SORBS2: variants seen among roughly 807,000 people sequenced by gnomAD.
The protein encoded by SORBS2 is sorbin and SH3 domain containing 2.
A neutral mutation model predicts 97.7 loss-of-function variants in SORBS2; 46 were observed. That is an observed-to-expected ratio of 0.47 (90% confidence interval 0.37 to 0.60). The LOEUF (loss-of-function observed/expected upper bound fraction) is 0.60. SORBS2 is among the 20% of genes least tolerant of loss of function. The pLI, the probability that SORBS2 is intolerant of heterozygous loss-of-function variation, is 0.00. For missense variants in SORBS2, 1,316 were observed against 1,282.3 expected (o/e 1.03, Z -0.40); for synonymous variants, 476 against 473.4 (o/e 1.01, Z -0.07).
intron 1 of SORBS2, among the ~76,000 whole-genome samples, chr4:185,893,765 G>A (rs1462692550): frequency 2.0e-5 from 3 of 152,156 alleles, no homozygotes; most frequent in Admixed American, 1.3e-4. Context: ...CAAGGTTATG[G>A]GAGAGTGAAG....
intron 1 of SORBS2, among the ~76,000 whole-genome samples, chr4:185,932,564 G>A (rs1277421261): frequency 6.6e-6 from 1 of 152,074 alleles, no homozygotes; most frequent in Non-Finnish European, 1.5e-5. Context: ...CCTACCGCAC[G>A]GCATTTTCTC....
chr4:185,896,852 T>G (rs1463740640), intron 1 of SORBS2, among the ~76,000 whole-genome samples: 5 of 148,060 alleles, frequency 3.4e-5, no homozygotes, highest in African/African-American at 1.3e-4. Flanking sequence ...GTGATGCCAG[T>G]GATACCTGCC....
intron 4 of SORBS2, chr4:185,677,711 A>T (rs2097811390): frequency 7.8e-7 from 1 of 1,274,732 alleles, no homozygotes; most frequent in East Asian, 2.8e-5. Context: ...GTTAGTCATG[A>T]AAGAAACCAG....
At chr4:185,758,027 T>C (rs1282977275) in intron 2 of SORBS2, among the ~76,000 whole-genome samples, 1 of 152,178 alleles carries the variant, frequency 6.6e-6, no homozygotes, top group East Asian at 1.9e-4. Context: ...GTGCATATAT[T>C]TTGTTTATCT....
intron 4 of SORBS2, among the ~76,000 whole-genome samples, chr4:185,663,808 A>T (rs1019397095): frequency 6.7e-6 from 1 of 150,230 alleles, no homozygotes; most frequent in Middle Eastern, 3.5e-3. Context: ...AATAATATTG[A>T]CTAGGGGTTA....
chr4:185,829,752 A>G (rs918444242), intron 1 of SORBS2, among the ~76,000 whole-genome samples: 4 of 152,258 alleles, frequency 2.6e-5, no homozygotes, highest in South Asian at 2.1e-4. Context: ...TAAAACATCC[A>G]TGAAAAATTA....
At chr4:185,943,220 T>C (rs1427329531) in intron 1 of SORBS2, among the ~76,000 whole-genome samples, 1 of 152,232 alleles carries the variant, frequency 6.6e-6, no homozygotes, top group Non-Finnish European at 1.5e-5. Flanking sequence ...CATTTCAACC[T>C]ACGAACCTAG....
chr4:185,805,804 G>A (rs1335114323), intron 1 of SORBS2, among the ~76,000 whole-genome samples: 2 of 152,208 alleles, frequency 1.3e-5, no homozygotes, highest in Admixed American at 1.3e-4. Context: ...CGTCTGACGG[G>A]TTAAATGCAC....
intron 4 of SORBS2, chr4:185,665,999 G>C: frequency 7.8e-7 from 1 of 1,287,038 alleles, no homozygotes; most frequent in Non-Finnish European, 1.0e-6. Flanking sequence ...GAAAGGCTCT[G>C]GGGATTATGC....
chr4:185,902,011 TAAGA>T (rs1387376466), intron 1 of SORBS2, among the ~76,000 whole-genome samples: 4 of 152,184 alleles, frequency 2.6e-5, no homozygotes, highest in Non-Finnish European at 5.9e-5. Flanking sequence ...ATAGAAATCA[TAAGA>T]AAGATCTACT....
chr4:185,819,564 G>C (rs1179604051), intron 1 of SORBS2, among the ~76,000 whole-genome samples: 5 of 152,200 alleles, frequency 3.3e-5, no homozygotes, highest in Non-Finnish European at 7.3e-5. Context: ...TTGATAATAG[G>C]GAGTGGATAG....
chr4:185,866,224 A>G (rs756009719), intron 1 of SORBS2, among the ~76,000 whole-genome samples: 7 of 152,210 alleles, frequency 4.6e-5, no homozygotes, highest in Non-Finnish European at 1.0e-4. Flanking sequence ...CAGTGCTGAG[A>G]TTAAATGTGC....
chr4:185,657,006 T>C (rs2097418148), upstream of SORBS2: 13 of 947,596 alleles, frequency 1.4e-5, no homozygotes, highest in Non-Finnish European at 1.4e-5. Context: ...ACACATCTAT[T>C]TCAAAAAACG....
At chr4:185,818,545 A>T (rs1020740035) in intron 1 of SORBS2, among the ~76,000 whole-genome samples, 2 of 152,184 alleles carry the variant, frequency 1.3e-5, no homozygotes, top group African/African-American at 4.8e-5. Context: ...ATTGCCTTGA[A>T]CTGAGAACAT....
At chr4:185,669,423 C>T (rs141270538) in intron 4 of SORBS2, among the ~76,000 whole-genome samples, 31 of 152,272 alleles carry the variant, frequency 2.0e-4, no homozygotes, top group African/African-American at 6.5e-4. Context: ...ACCTTTAGTT[C>T]GCTCATAAGC....
chr4:185,851,463 A>G (rs781701509), intron 1 of SORBS2, among the ~76,000 whole-genome samples: 1 of 152,228 alleles, frequency 6.6e-6, no homozygotes, highest in Non-Finnish European at 1.5e-5. Context: ...AAGGGGTTGC[A>G]CTTACAAGCT....
chr4:185,631,794 CAAAA>C (rs2096913310), intron 4 of SORBS2, among the ~76,000 whole-genome samples: 1 of 134,514 alleles, frequency 7.4e-6, no homozygotes, highest in Admixed American at 6.9e-5. Context: ...AACAAAAAAA[CAAAA>C]CAAAACAAAA....
At chr4:185,919,053 G>A (rs1441824990) in intron 1 of SORBS2, among the ~76,000 whole-genome samples, 11 of 152,262 alleles carry the variant, frequency 7.2e-5, no homozygotes, top group Admixed American at 7.2e-4. Context: ...TGTAGTATTT[G>A]CATAGCTCTC....
intron 2 of SORBS2, among the ~76,000 whole-genome samples, chr4:185,715,923 A>T (rs962462890): frequency 1.2e-4 from 18 of 152,250 alleles, no homozygotes; most frequent in Non-Finnish European, 2.2e-4. Flanking sequence ...AGTCATGCCC[A>T]CTGTGCCATG....
Sources: allele counts gnomAD v4.1 joint callset (sites outside exome capture counted in the v4.1 genomes callset), GRCh38; gene constraint gnomAD v4.1.1; transcripts MANE v1.5; gene names NCBI Gene and HGNC (gene_info 2026-07-23, HGNC 2026-07-21).